MXD4: variants seen among roughly 807,000 people sequenced by gnomAD.
The protein encoded by MXD4 is Mad4 homolog.
Under a neutral mutation model 24.5 loss-of-function variants are expected in MXD4, and 16 were observed. That is an observed-to-expected ratio of 0.65 (90% CI 0.44 to 0.99). MXD4 has a LOEUF of 0.99. MXD4 is among the 50% of genes least tolerant of loss of function. The pLI, the probability that MXD4 is intolerant of heterozygous loss-of-function variation, is 0.00. For synonymous variants in MXD4, 164 were observed against 134.2 expected (o/e 1.22, Z -1.54); for missense variants, 301 against 301.5 (o/e 1.00, Z 0.01).
rs1246019509 is a variant in MXD4 at position 2,250,225 on chromosome 4, G to A, written c.*319C>T. ...AGCCCCTCACACGGCACCTGCCGAG[G>A]TTTGCAGCAATGACGTTTAATACTT... On this transcript the variant is annotated 3_prime_UTR_variant, in exon 6 of 6. Transcript: ENST00000337190. 1 of 369,118 alleles carries A rather than the reference G, an allele frequency of 2.7e-6. No homozygotes were observed. The highest frequency in any genetic ancestry group is 2.1e-5 in the African/African-American group (1 of 48,214). The allele number at this position is 369,118 out of a possible 1,614,324, so 22.9% of individuals were successfully genotyped here. A position where few individuals can be genotyped will look rare whatever the true frequency, so the allele number is the denominator to read the frequency against.
At chr4:2,252,552 CTGGGG>C in intron 3 of MXD4, 30 bp from the exon 4 acceptor site, 1 of 1,551,958 alleles carries the variant, frequency 6.4e-7, no homozygotes, top group Non-Finnish European at 8.8e-7. Flanking sequence ...AACCATCAGG[CTGGGG>C]TGGGGGAGGG....
In MXD4 at chr4:2,247,603, A is replaced by G. The variant is rs1028807042; in HGVS notation, c.*2941T>C. The G allele has an allele frequency of 1.3e-5, 2 of 152,048 alleles. No homozygotes were observed. The highest frequency in any genetic ancestry group is 2.9e-5 in the Non-Finnish European group (2 of 68,006). The allele number at this position is 152,048 out of a possible 1,614,324, so 9.4% of individuals were successfully genotyped here. On this transcript the variant is annotated 3_prime_UTR_variant, in exon 6 of 6. Coordinates refer to ENST00000337190, the MANE Select transcript of MXD4 (RefSeq NM_006454.3). ...CACGGAACCTGCCCTAGTGCCCAAC[A>G]TGGACCTGGGGCCACCCTGCTGGCC...
At chr4:2,257,591 G>C (rs77462030) in intron 3 of MXD4, among the ~76,000 whole-genome samples, 1 of 152,220 alleles carries the variant, frequency 6.6e-6, no homozygotes, top group Non-Finnish European at 1.5e-5. Context: ...TCTGCCCCTC[G>C]GACAAGACTC....
At chr4:2,252,340 C>A (rs963360616) in intron 4 of MXD4, 68 bp downstream of exon 4, 15 of 1,281,992 alleles carry the variant, frequency 1.2e-5, no homozygotes, top group East Asian at 9.3e-5. Flanking sequence ...CCTGTGAGCA[C>A]CCCCCCAGGG....
At chr4:2,255,999 G>A (rs1038607979) in intron 3 of MXD4, among the ~76,000 whole-genome samples, 2 of 152,194 alleles carry the variant, frequency 1.3e-5, no homozygotes, top group African/African-American at 2.4e-5. Context: ...TGTGAAAGCC[G>A]TGTGAGGCTG....
rs77251189 is a variant in MXD4, at chr4:2,257,502, C to T, written c.194+480G>A. Among the ~76,000 whole-genome samples the T allele has an allele frequency of 5.1e-3, 775 of 152,360 alleles. 8 individuals carry two copies. Among genetic ancestry groups the T allele is most frequent in the African/African-American group, 0.018 (737 of 41,594 alleles). ...CTGTCACCAGGAGGAATGAACACCC[C>T]GCAGCTTTACTCAAGAGCTCGCCTG... On this transcript the variant is annotated intron_variant, in intron 3 of 5. Transcript: ENST00000337190.
intron 2 of MXD4, among the ~76,000 whole-genome samples, chr4:2,258,728 G>A (rs1013517379): frequency 6.6e-6 from 1 of 152,356 alleles, no homozygotes; most frequent in Middle Eastern, 3.4e-3. Flanking sequence ...AGCCCATGAG[G>A]GGGCTTCTGA....
rs748107227 is a variant in MXD4 at position 2,261,316 on chromosome 4, G to A, written c.164+409C>T. 1.5e-4 allele frequency among the ~76,000 whole-genome samples: 23 copies of A among 152,292 alleles called. No individual in the cohort carries two copies. In the East Asian group the frequency reaches 3.5e-3, roughly 23 times the overall value. ...GCCCACCCACCCGCGGAGAGAAGGG[G>A]TTAGGGCCGGCAGCCCCCGCAGACC... On this transcript the variant is annotated intron_variant, in intron 2 of 5. Coordinates refer to ENST00000337190, the MANE Select transcript of MXD4 (RefSeq NM_006454.3).
chr4:2,253,921 C>T (rs1162881733), intron 3 of MXD4: 1 of 152,242 alleles, frequency 6.6e-6, no homozygotes, highest in African/African-American at 2.4e-5. Context: ...TCAGCCTCCC[C>T]ACCGCCAACA....
chr4:2,250,312 G>A lies in MXD4; in HGVS notation c.*232C>T. 2 of 592,556 alleles carry A rather than the reference G, an allele frequency of 3.4e-6. No homozygotes were observed. The highest frequency in any genetic ancestry group is 5.9e-6 in the Non-Finnish European group (2 of 338,132). The allele number at this position is 592,556 out of a possible 1,614,324, so 36.7% of individuals were successfully genotyped here. A position where few individuals can be genotyped will look rare whatever the true frequency, so the allele number is the denominator to read the frequency against. ...GGCTATGCTGACCAGGGCTCCGGATGTGGAAGCTGGGCCCTGCCTCCTTGC... is the reference window on the plus strand; with the variant it reads ...GGCTATGCTGACCAGGGCTCCGGATATGGAAGCTGGGCCCTGCCTCCTTGC... On this transcript the variant is annotated 3_prime_UTR_variant, in exon 6 of 6. Transcript: ENST00000337190.
At position 2,247,468 on chromosome 4, in the gene MXD4, T is replaced by G. The variant is rs987035307; in HGVS notation, c.*3076A>C. 2 of 152,276 alleles carry G rather than the reference T, an allele frequency of 1.3e-5. No individual in the cohort carries two copies. The highest frequency in any genetic ancestry group is 4.8e-5 in the African/African-American group (2 of 41,458). 9.4% of individuals were successfully genotyped at this position (152,276 alleles called of 1,614,324 possible). ...AATCTGTATTTATATTACAATGACA[T>G]AAGGACACAGCACGGCCCACACGGT... On this transcript the variant is annotated 3_prime_UTR_variant, in exon 6 of 6. Transcript: ENST00000337190.
chr4:2,259,259 C>T (rs1455487028), intron 2 of MXD4, among the ~76,000 whole-genome samples: 2 of 152,188 alleles, frequency 1.3e-5, no homozygotes, highest in Middle Eastern at 6.3e-3. Context: ...ACCAACAGGC[C>T]CTGGGCCTCC....
intron 2 of MXD4, 53 bp downstream of exon 2, chr4:2,261,672 C>A (rs1577826189): frequency 7.1e-6 from 7 of 985,770 alleles, no homozygotes; most frequent in East Asian, 8.9e-5. Context: ...ACGCTCCGGG[C>A]GGGGGCGGGG....
At position 2,250,614 on chromosome 4, in the gene MXD4, T is replaced by G. The variant is rs562571024; in HGVS notation, c.560A>C (p.Gln187Pro). 5.0e-6 allele frequency: 8 copies of G among 1,613,140 alleles called. No individual in the cohort carries two copies. The South Asian group carries it at 5.5e-5, about 11-fold the overall frequency. Residue 187 changes from glutamine to proline, a missense_variant, in exon 6 of 6, where the codon CAG becomes CCG. By Grantham distance (76) the Gln-to-Pro change is moderately conservative. Transcript: ENST00000337190. ...SSDADDHYSL[Q>P]SGTGGDSGFG... ...GCCACTGTCGCCGCCGGTGCCACTC[T>G]GCAGGCTGTAGTGGTCGTCCGCGTC...
intron 3 of MXD4, 66 bp from the exon 4 acceptor site, chr4:2,252,588 C>G: frequency 9.6e-7 from 1 of 1,040,192 alleles, no homozygotes; most frequent in Admixed American, 2.0e-5. Flanking sequence ...TTTCCAGGGC[C>G]CTGCACAGAC....
In MXD4 at chr4:2,261,717, G is replaced by C; in HGVS notation, c.164+8C>G. On this transcript the variant is annotated splice_region_variant and intron_variant, in intron 2 of 5. Transcript: ENST00000337190. ...GGGCCGGGCGGGGTCGGGAGCGGGG[G>C]GCGGTACCTGTTGTTCGGGGCCTTG... is the stretch of plus-strand genomic sequence containing the variant. The C allele has an allele frequency of 7.3e-7, 1 of 1,367,118 alleles. No individual in the cohort carries two copies. The highest frequency in any genetic ancestry group is 9.5e-7 in the Non-Finnish European group (1 of 1,050,164). 84.7% of individuals were successfully genotyped at this position (1,367,118 alleles called of 1,614,324 possible).
At chr4:2,251,507 C>T (rs1027968195) in intron 4 of MXD4, among the ~76,000 whole-genome samples, 1 of 152,246 alleles carries the variant, frequency 6.6e-6, no homozygotes, top group African/African-American at 2.4e-5. Context: ...CTCTAATACC[C>T]GCAGCCACCA....
At chr4:2,257,217 G>T (rs1222885847) in intron 3 of MXD4, among the ~76,000 whole-genome samples, 1 of 152,158 alleles carries the variant, frequency 6.6e-6, no homozygotes, top group Non-Finnish European at 1.5e-5. Flanking sequence ...GACTGTGGGG[G>T]GCTCAAGCAG....
chr4:2,254,743 G>A (rs932419381), intron 3 of MXD4: 4 of 155,034 alleles, frequency 2.6e-5, no homozygotes, highest in South Asian at 2.0e-4. Flanking sequence ...CCTAACGCCC[G>A]GCTCCATCTC....
Sources: allele counts gnomAD v4.1 joint callset (sites outside exome capture counted in the v4.1 genomes callset), GRCh38; gene constraint gnomAD v4.1.1; transcripts MANE v1.5; gene names NCBI Gene and HGNC (gene_info 2026-07-23, HGNC 2026-07-21).